The following EPHA6 variants were observed in gnomAD, a reference collection of about 807,000 sequenced individuals.
EPHA6 encodes the protein EPH receptor A6.
EPHA6 carries 50 observed loss-of-function variants against 112.0 expected under a neutral mutation model. The observed-to-expected ratio is 0.45, with a 90% CI of 0.36 to 0.56. EPHA6 has a LOEUF of 0.56. EPHA6 is among the 20% of genes least tolerant of loss of function. EPHA6 has a pLI of 0.00. For synonymous variants in EPHA6, 529 were observed against 490.7 expected (o/e 1.08, Z -1.03); for missense variants, 1,280 against 1,417.4 (o/e 0.90, Z 1.56).
chr3:97,175,397 C>T (rs527291602), intron 3 of EPHA6, among the ~76,000 whole-genome samples: 1 of 151,784 alleles, frequency 6.6e-6, no homozygotes, highest in East Asian at 1.9e-4. Flanking sequence ...TGAGATTCCA[C>T]AGAAATTTTA....
At chr3:97,205,497 C>G (rs1351433872) in intron 3 of EPHA6, among the ~76,000 whole-genome samples, 1 of 152,034 alleles carries the variant, frequency 6.6e-6, no homozygotes, top group Non-Finnish European at 1.5e-5. Context: ...TGGCTCCACT[C>G]AGACGTGAAT....
intron 3 of EPHA6, among the ~76,000 whole-genome samples, chr3:97,121,887 A>G (rs1240503196): frequency 6.6e-6 from 1 of 152,038 alleles, no homozygotes. Context: ...TCACCAGCCT[A>G]CACTGCTTTT....
chr3:97,273,478 G>A (rs1241931522), intron 5 of EPHA6, among the ~76,000 whole-genome samples: 2 of 152,168 alleles, frequency 1.3e-5, no homozygotes, highest in Non-Finnish European at 2.9e-5. Flanking sequence ...TGAGGCTGGG[G>A]CCTAATAAAA....
At chr3:97,638,873 T>C (rs556334783) in intron 14 of EPHA6, among the ~76,000 whole-genome samples, 17 of 152,282 alleles carry the variant, frequency 1.1e-4, no homozygotes, top group Admixed American at 2.0e-4. Flanking sequence ...AAATAAGTTA[T>C]TAAAGCTACT....
At chr3:97,466,117 T>C (rs1374721932) in intron 7 of EPHA6, 2 of 486,624 alleles carry the variant, frequency 4.1e-6, no homozygotes, top group East Asian at 4.3e-5. Flanking sequence ...CTGGCACATG[T>C]GTTAGTCTTT....
intron 2 of EPHA6, among the ~76,000 whole-genome samples, chr3:96,934,408 C>T (rs1026955853): frequency 6.6e-6 from 1 of 151,274 alleles, no homozygotes; most frequent in Non-Finnish European, 1.5e-5. Flanking sequence ...TGTAAATTAC[C>T]ACTTCTATAA....
intron 2 of EPHA6, among the ~76,000 whole-genome samples, chr3:96,895,245 GT>G (rs376304526): frequency 9.4e-5 from 14 of 149,456 alleles, no homozygotes; most frequent in Admixed American, 1.3e-4. Flanking sequence ...AGCTAATCTT[GT>G]TTTTTTTTCT....
At chr3:97,575,937 C>T (rs1351760282) in intron 11 of EPHA6, among the ~76,000 whole-genome samples, 1 of 152,122 alleles carries the variant, frequency 6.6e-6, no homozygotes, top group African/African-American at 2.4e-5. Context: ...ATAGAAACCA[C>T]AGGACACCAC....
In EPHA6 at chr3:96,827,809, G is replaced by A. The variant is rs534153518; in HGVS notation, c.385+12801G>A. On this transcript the variant is annotated intron_variant, in intron 1 of 17. Coordinates refer to ENST00000389672, the MANE Select transcript of EPHA6 (RefSeq NM_001080448.3). ...TCAACAAGGGCATGTGCATCAACAG[G>A]GGTCCCAAATTCCTTTGCATGAATT... Among the ~76,000 whole-genome samples the A allele has an allele frequency of 3.3e-5, 5 of 152,182 alleles. No individual in the cohort carries two copies. The East Asian group carries it at 7.7e-4, about 23-fold the overall frequency.
intron 5 of EPHA6, among the ~76,000 whole-genome samples, chr3:97,264,439 C>T (rs1433226006): frequency 2.6e-5 from 4 of 152,204 alleles, no homozygotes; most frequent in Non-Finnish European, 5.9e-5. Flanking sequence ...GCATGTAGCT[C>T]CTCCAGCTGG....
intron 3 of EPHA6, among the ~76,000 whole-genome samples, chr3:97,185,965 A>G (rs2077118459): frequency 1.3e-5 from 2 of 151,442 alleles, no homozygotes; most frequent in Admixed American, 1.3e-4. Context: ...CACAAGGACA[A>G]AAAACCAAAC....
At chr3:97,551,921 T>C (rs954528380) in intron 11 of EPHA6, among the ~76,000 whole-genome samples, 1 of 152,138 alleles carries the variant, frequency 6.6e-6, no homozygotes, top group Non-Finnish European at 1.5e-5. Context: ...CAAGAGAGAA[T>C]ATACTGAGAT....
intron 3 of EPHA6, among the ~76,000 whole-genome samples, chr3:97,141,460 A>C (rs947153937): frequency 1.3e-5 from 2 of 151,942 alleles, no homozygotes; most frequent in Non-Finnish European, 2.9e-5. Context: ...AAATCAAAAA[A>C]ATAAAAATAA....
chr3:97,079,994 A>G (rs1418581466), intron 3 of EPHA6, among the ~76,000 whole-genome samples: 2 of 152,062 alleles, frequency 1.3e-5, no homozygotes, highest in Admixed American at 6.6e-5. Flanking sequence ...CTGTAGTGTA[A>G]ACATAACGTT....
At chr3:96,975,698 G>T (rs773716621) in intron 2 of EPHA6, among the ~76,000 whole-genome samples, 3 of 152,078 alleles carry the variant, frequency 2.0e-5, no homozygotes, top group South Asian at 2.1e-4. Flanking sequence ...CATTGAGCAG[G>T]ACACTTAGTT....
intron 2 of EPHA6, among the ~76,000 whole-genome samples, chr3:96,943,617 A>G (rs921786389): frequency 1.3e-5 from 2 of 152,256 alleles, no homozygotes; most frequent in African/African-American, 4.8e-5. Flanking sequence ...CAGTGAGACT[A>G]AACTGTCTAG....
At chr3:97,701,942 T>C (rs531911452) in intron 14 of EPHA6, among the ~76,000 whole-genome samples, 47 of 152,310 alleles carry the variant, frequency 3.1e-4, no homozygotes, top group African/African-American at 1.1e-3. Flanking sequence ...TACATTTCCA[T>C]TTAAATGTTC....
intron 5 of EPHA6, among the ~76,000 whole-genome samples, chr3:97,343,445 A>T (rs1417741724): frequency 6.6e-6 from 1 of 152,190 alleles, no homozygotes; most frequent in Non-Finnish European, 1.5e-5. Flanking sequence ...TTGAAGATGG[A>T]ATTGTTAGGC....
intron 14 of EPHA6, among the ~76,000 whole-genome samples, chr3:97,686,859 A>G (rs1197004714): frequency 6.6e-6 from 1 of 152,206 alleles, no homozygotes; most frequent in African/African-American, 2.4e-5. Context: ...CTGTTAGTAA[A>G]TATCTTACTA....
Sources: allele counts gnomAD v4.1 joint callset (sites outside exome capture counted in the v4.1 genomes callset), GRCh38; gene constraint gnomAD v4.1.1; transcripts MANE v1.5; gene names NCBI Gene and HGNC (gene_info 2026-07-23, HGNC 2026-07-21).